Variants in DIP2A observed in about 807,000 individuals in gnomAD.
The protein encoded by DIP2A is DIP2 acetate--CoA ligase A.
In DIP2A, 85 loss-of-function variants were observed where a neutral mutation model predicts 177.4. That is an observed-to-expected ratio of 0.48 (90% CI 0.40 to 0.57). DIP2A has a LOEUF of 0.57. DIP2A is among the 20% of genes least tolerant of loss of function. The pLI, the probability that DIP2A is intolerant of heterozygous loss-of-function variation, is 0.00. For missense variants in DIP2A, 1,791 were observed against 2,100.2 expected, an observed-to-expected ratio of 0.85 and a Z score of 2.88; for synonymous variants, 886 against 881.8, an observed-to-expected ratio of 1.00 and a Z score of -0.08.
At chr21:46,490,298 A>T (rs1427768035) in intron 2 of DIP2A, among the ~76,000 whole-genome samples, 1 of 152,034 alleles carries the variant, frequency 6.6e-6, no homozygotes, top group African/African-American at 2.4e-5. Context: ...CACGGCTCCC[A>T]CCCCTGATGT....
rs1179248778 is a variant in DIP2A, at chr21:46,569,605, AT to A, written c.*1987del. On this transcript the variant is annotated 3_prime_UTR_variant, in exon 38 of 38. Transcript: ENST00000417564. ...AAGACAAGGTGTCTTGTAAATTAAG[AT>A]TTTAAGAAGTGCATTAAAATGTTTT... 6.6e-6 allele frequency: 1 copy of A among 152,200 alleles called. No homozygotes were observed. The highest frequency in any genetic ancestry group is 1.9e-4 in the East Asian group (1 of 5,204). The allele number at this position is 152,200 out of a possible 1,614,324, so 9.4% of individuals were successfully genotyped here.
chr21:46,542,185 C>T (rs1392629514), intron 18 of DIP2A, among the ~76,000 whole-genome samples: 2 of 152,162 alleles, frequency 1.3e-5, no homozygotes, highest in African/African-American at 4.8e-5. Context: ...AATATTTGCT[C>T]AGTTTTTTCC....
In DIP2A at chr21:46,534,588, A is replaced by G; in HGVS notation, c.1543A>G (p.Lys515Glu). 6.2e-7 allele frequency: 1 copy of G among 1,613,476 alleles called. No homozygotes were observed. The highest frequency in any genetic ancestry group is 2.2e-5 in the East Asian group (1 of 44,876). The change falls in exon 13 of 38, where the codon AAA becomes GAA. Residue 515 changes from lysine to glutamate, a missense_variant. Transcript: ENST00000417564. ...TTTTTTCCTTGAAATCTTTCAGTAT[A>G]AAACCAGCAAAGAAGGCAGTACGGT... ...TGTGTAYIEY[K>E]TSKEGSTVGV...
chr21:46,552,050 T>C, intron 25 of DIP2A, 146 bp downstream of exon 25: 1 of 976,180 alleles, frequency 1.0e-6, no homozygotes. Flanking sequence ...TCCTGGTTGT[T>C]CTCATGCGTA....
In DIP2A at chr21:46,569,432, G is replaced by A. The variant is rs2060921101; in HGVS notation, c.*1810G>A. 1 of 151,682 alleles carries A rather than the reference G, an allele frequency of 6.6e-6. No homozygotes were observed. The highest frequency in any genetic ancestry group is 1.5e-5 in the Non-Finnish European group (1 of 67,962). The allele number at this position is 151,682 out of a possible 1,614,324, so 9.4% of individuals were successfully genotyped here. A position where few individuals can be genotyped will look rare whatever the true frequency, so the allele number is the denominator to read the frequency against. The stretch of plus-strand genomic sequence containing the variant: ...ACTTATTGTTGACATACAGAGGTTT[G>A]GGAAGTAGTCTAATGGACATTCCTT... On this transcript the variant is annotated 3_prime_UTR_variant, in exon 38 of 38. Transcript: ENST00000417564.
At chr21:46,555,032 A>G in intron 28 of DIP2A, 99 bp downstream of exon 28, 3 of 1,266,216 alleles carry the variant, frequency 2.4e-6, no homozygotes, top group Non-Finnish European at 3.3e-6. Context: ...GTGAGGCAAG[A>G]GCAGTCCTGG....
At chr21:46,517,022 G>GGGTC (rs2058612480) in intron 8 of DIP2A, among the ~76,000 whole-genome samples, 1 of 146,612 alleles carries the variant, frequency 6.8e-6, no homozygotes, top group South Asian at 2.2e-4. Context: ...TATCACCTTT[G>GGGTC]GGTCTGTTGC....
intron 1 of DIP2A, among the ~76,000 whole-genome samples, chr21:46,477,922 T>C (rs1032750691): frequency 6.6e-6 from 1 of 152,008 alleles, no homozygotes; most frequent in African/African-American, 2.4e-5. Flanking sequence ...TGGAATTTAA[T>C]TTCATGCGTG....
chr21:46,465,982 A>C (rs1486674431), intron 1 of DIP2A, among the ~76,000 whole-genome samples: 2 of 152,162 alleles, frequency 1.3e-5, no homozygotes, highest in Non-Finnish European at 2.9e-5. Flanking sequence ...CTGGAAAATA[A>C]ATGAGAGGAA....
chr21:46,523,145 A>G (rs1253720239), intron 8 of DIP2A, among the ~76,000 whole-genome samples: 3 of 151,940 alleles, frequency 2.0e-5, no homozygotes, highest in Non-Finnish European at 4.4e-5. Context: ...GGCTGGTCTC[A>G]AACTCCTGAC....
At chr21:46,484,646 C>A in intron 1 of DIP2A, 111 bp from the exon 2 acceptor site, 1 of 911,736 alleles carries the variant, frequency 1.1e-6, no homozygotes, top group Non-Finnish European at 1.6e-6. Flanking sequence ...TGTCCAGACA[C>A]TTCATGGAAG....
At chr21:46,478,880 A>G (rs2056131549) in intron 1 of DIP2A, among the ~76,000 whole-genome samples, 1 of 152,082 alleles carries the variant, frequency 6.6e-6, no homozygotes, top group South Asian at 2.1e-4. Flanking sequence ...TCTTGCTGCC[A>G]TATGTGCCTA....
the DIP2A span, among the ~76,000 whole-genome samples, chr21:46,583,732 G>T: frequency 6.6e-6 from 1 of 152,158 alleles, no homozygotes; most frequent in African/African-American, 2.4e-5. Context: ...GGCAGGTCTG[G>T]CCTCCCCTTG....
intron 8 of DIP2A, among the ~76,000 whole-genome samples, chr21:46,515,009 T>C (rs1427810939): frequency 6.6e-6 from 1 of 152,230 alleles, no homozygotes; most frequent in Admixed American, 6.5e-5. Context: ...CATAATATCT[T>C]ACCCTTTTAA....
Position 46,558,373 on chromosome 21 carries a change from A to C in DIP2A, c.3949A>C (p.Asn1317His). Reference protein sequence around the residue: ...AVSTTFGCRVNVAICLQGTAG... With the variant: ...AVSTTFGCRVHVAICLQGTAG... Reference sequence around the variant, plus strand: ...AAGCACCACGTTCGGGTGCAGGGTCAACGTGGCCATCTGCCTCCAGGTGAG... The same window carrying C: ...AAGCACCACGTTCGGGTGCAGGGTCCACGTGGCCATCTGCCTCCAGGTGAG... The change falls in exon 32 of 38, where the codon AAC (asparagine) becomes CAC (histidine). Residue 1317 changes from asparagine (N) to histidine (H), a missense_variant. Asn to His is a moderately conservative substitution (Grantham distance 68). Coordinates refer to ENST00000417564, the MANE Select transcript of DIP2A (RefSeq NM_015151.4). 6.3e-7 allele frequency: 1 copy of C among 1,593,742 alleles called. No individual in the cohort carries two copies. Among genetic ancestry groups the C allele is most frequent in the Non-Finnish European group, 8.5e-7 (1 of 1,172,614 alleles).
At chr21:46,560,242 G>A (rs1176717100) in intron 32 of DIP2A, among the ~76,000 whole-genome samples, 1 of 152,198 alleles carries the variant, frequency 6.6e-6, no homozygotes, top group African/African-American at 2.4e-5. Context: ...CGGGATTAAT[G>A]TTAACTGTAA....
chr21:46,511,321 A>C, intron 7 of DIP2A, 96 bp from the exon 8 acceptor site: 1 of 1,263,994 alleles, frequency 7.9e-7, no homozygotes, highest in Non-Finnish European at 1.1e-6. Flanking sequence ...TATAGTTGGG[A>C]TTAAAAAACA....
At chr21:46,459,527 C>CCCT (rs376056571) in intron 1 of DIP2A, among the ~76,000 whole-genome samples, 12,496 of 106,748 alleles carry the variant, frequency 0.12, 1,866 homozygotes, top group East Asian at 0.26. Flanking sequence ...GAACTCCCGC[C>CCCT]CCTCACCCCC....
intron 1 of DIP2A, among the ~76,000 whole-genome samples, chr21:46,482,527 T>G (rs569781133): frequency 6.6e-6 from 1 of 152,220 alleles, no homozygotes; most frequent in Non-Finnish European, 1.5e-5. Context: ...TACTGTACAA[T>G]TTATTGTTAT....
Sources: allele counts gnomAD v4.1 joint callset (sites outside exome capture counted in the v4.1 genomes callset), GRCh38; gene constraint gnomAD v4.1.1; transcripts MANE v1.5; gene names NCBI Gene and HGNC (gene_info 2026-07-23, HGNC 2026-07-21).